Variants in RFX3 observed in about 807,000 individuals in gnomAD.
RFX3 encodes transcription factor RFX3.
In RFX3, 14 loss-of-function variants were observed where a neutral mutation model predicts 98.6. That is an observed-to-expected ratio of 0.14 (90% CI 0.09 to 0.22). The LOEUF (loss-of-function observed/expected upper bound fraction) is 0.22. RFX3 is among the 10% of genes least tolerant of loss of function. RFX3 has a pLI of 1.00. For synonymous variants in RFX3, 383 were observed against 328.4 expected (o/e 1.17, Z -1.80); for missense variants, 639 against 926.9 (o/e 0.69, Z 4.03).
At chr9:3,396,009 G>T (rs1225753982) in intron 1 of RFX3, among the ~76,000 whole-genome samples, 1 of 151,764 alleles carries the variant, frequency 6.6e-6, no homozygotes, top group Non-Finnish European at 1.5e-5. Context: ...AGGCTGTCAG[G>T]ATGTCACCAG....
chr9:3,389,611 A>G (rs761453641), intron 2 of RFX3, among the ~76,000 whole-genome samples: 2 of 152,162 alleles, frequency 1.3e-5, no homozygotes, highest in East Asian at 3.8e-4. Context: ...CCAAAATTCT[A>G]AACTTTTTGA....
At chr9:3,487,562 A>G (rs1850381456) in intron 1 of RFX3, among the ~76,000 whole-genome samples, 1 of 152,206 alleles carries the variant, frequency 6.6e-6, no homozygotes, top group Non-Finnish European at 1.5e-5. Context: ...AAAGCAGCAT[A>G]TAACTTTGAT....
rs113945998 is a variant in RFX3, at chr9:3,330,597, G to C, written c.216-80C>G. The C allele has an allele frequency of 4.5e-6, 6 of 1,323,062 alleles. No homozygotes were observed. The African/African-American group carries it at 7.4e-5, about 16-fold the overall frequency. 82.0% of individuals were successfully genotyped at this position (1,323,062 alleles called of 1,614,324 possible). A position where few individuals can be genotyped will look rare whatever the true frequency, so the allele number is the denominator to read the frequency against. ...ATTTTTTTCTAATATGAATGTAATT[G>C]AAATATATTGGTTGGCTTAGCCTTT... On this transcript the variant is annotated intron_variant, in intron 3 of 16. Coordinates refer to ENST00000617270, the MANE Select transcript of RFX3 (RefSeq NM_001282116.2).
chr9:3,417,556 C>T (rs893404279), intron 1 of RFX3, among the ~76,000 whole-genome samples: 7 of 152,056 alleles, frequency 4.6e-5, no homozygotes, highest in Admixed American at 2.0e-4. Flanking sequence ...CTGAATAATA[C>T]ATTTCTAACT....
intron 1 of RFX3, among the ~76,000 whole-genome samples, chr9:3,498,870 C>T (rs1189504066): frequency 6.6e-6 from 1 of 151,968 alleles, no homozygotes; most frequent in East Asian, 1.9e-4. Flanking sequence ...GCTGTGCAAC[C>T]TAAAAGGGTA....
intron 1 of RFX3, among the ~76,000 whole-genome samples, chr9:3,509,840 G>A (rs997624486): frequency 6.6e-6 from 1 of 151,898 alleles, no homozygotes; most frequent in Non-Finnish European, 1.5e-5. Context: ...CATTTGCGGA[G>A]GAGTGTGGAG....
At position 3,220,484 on chromosome 9, in the gene RFX3, T is replaced by C. The variant is rs957906749; in HGVS notation, c.*4558A>G. On this transcript the variant is annotated 3_prime_UTR_variant, in exon 17 of 17. Transcript: ENST00000617270. ...TCCTTTTCTAGAGACTATGGTGTGA[T>C]ACTAGAAAAGTTGATTTTTTTTTTC... The C allele has an allele frequency of 6.6e-6, 1 of 152,148 alleles. No homozygotes were observed. The allele number at this position is 152,148 out of a possible 1,614,324, so 9.4% of individuals were successfully genotyped here. A position where few individuals can be genotyped will look rare whatever the true frequency, so the allele number is the denominator to read the frequency against.
intron 6 of RFX3, among the ~76,000 whole-genome samples, chr9:3,289,094 T>C (rs904305151): frequency 6.6e-6 from 1 of 152,086 alleles, no homozygotes; most frequent in Non-Finnish European, 1.5e-5. Context: ...ATGTAAATTA[T>C]TGCAAAGAGA....
At chr9:3,326,956 G>T (rs1205315775) in intron 4 of RFX3, among the ~76,000 whole-genome samples, 1 of 152,110 alleles carries the variant, frequency 6.6e-6, no homozygotes, top group African/African-American at 2.4e-5. Flanking sequence ...CACAGTATAT[G>T]CTACTATTGC....
chr9:3,270,297 A>T, intron 11 of RFX3, 74 bp downstream of exon 11: 1 of 1,402,342 alleles, frequency 7.1e-7, no homozygotes, highest in Non-Finnish European at 9.8e-7. Flanking sequence ...CTAGATTGCA[A>T]TGTCACTTCT....
intron 1 of RFX3, among the ~76,000 whole-genome samples, chr9:3,460,445 G>A (rs944404888): frequency 1.3e-5 from 2 of 151,756 alleles, no homozygotes; most frequent in Non-Finnish European, 2.9e-5. Context: ...TTTTTTAAAA[G>A]TCCTTGTTCC....
chr9:3,506,069 A>T (rs1817062176), intron 1 of RFX3, among the ~76,000 whole-genome samples: 1 of 151,816 alleles, frequency 6.6e-6, no homozygotes, highest in Non-Finnish European at 1.5e-5. Flanking sequence ...ATTGAAGAGC[A>T]CTCCTTAAGT....
At chr9:3,458,363 T>C (rs1847380028) in intron 1 of RFX3, among the ~76,000 whole-genome samples, 1 of 152,138 alleles carries the variant, frequency 6.6e-6, no homozygotes, top group Admixed American at 6.6e-5. Context: ...AAATAAATAA[T>C]GTCTAGAGCA....
At chr9:3,320,373 G>A (rs888002313) in intron 4 of RFX3, among the ~76,000 whole-genome samples, 2 of 151,762 alleles carry the variant, frequency 1.3e-5, no homozygotes, top group Non-Finnish European at 2.9e-5. Context: ...GCCAAAACAG[G>A]GAAACCCCAT....
At chr9:3,509,107 T>TA (rs1216699567) in intron 1 of RFX3, among the ~76,000 whole-genome samples, 2 of 151,478 alleles carry the variant, frequency 1.3e-5, no homozygotes, top group African/African-American at 4.8e-5. Context: ...ATTAAGAAAA[T>TA]AAAAAATCAG....
At chr9:3,440,938 A>G (rs12345254) in intron 1 of RFX3, among the ~76,000 whole-genome samples, 6,039 of 152,322 alleles carry the variant, frequency 0.04, 429 homozygotes, top group African/African-American at 0.14. Context: ...CCATATATAA[A>G]TGATAACCAA....
intron 13 of RFX3, among the ~76,000 whole-genome samples, chr9:3,262,265 G>A (rs1482964974): frequency 6.6e-6 from 1 of 152,050 alleles, no homozygotes; most frequent in Non-Finnish European, 1.5e-5. Flanking sequence ...AGTATTTATT[G>A]ATATTGAAAC....
At chr9:3,316,586 G>A (rs942040245) in intron 4 of RFX3, among the ~76,000 whole-genome samples, 1 of 152,160 alleles carries the variant, frequency 6.6e-6, no homozygotes, top group Non-Finnish European at 1.5e-5. Flanking sequence ...AAGTCAAATT[G>A]TCCCTGTTTG....
At chr9:3,391,703 T>G (rs1840328967) in intron 2 of RFX3, among the ~76,000 whole-genome samples, 7 of 152,150 alleles carry the variant, frequency 4.6e-5, no homozygotes, top group Admixed American at 4.6e-4. Flanking sequence ...ATCTTCTATT[T>G]ATGGCTAGTG....
Sources: gnomAD v4.1 joint callset for allele counts (sites outside exome capture counted in the v4.1 genomes callset) on GRCh38, gnomAD v4.1.1 for gene constraint, MANE v1.5 for transcripts, NCBI Gene and HGNC (gene_info 2026-07-23, HGNC 2026-07-21) for gene names.